EYS: variants seen among roughly 807,000 people sequenced by gnomAD.
The protein encoded by EYS is protein eyes shut homolog.
EYS carries 250 observed loss-of-function variants against 282.1 expected under a neutral mutation model. That is an observed-to-expected ratio of 0.89 (90% CI 0.80 to 0.98). The LOEUF (loss-of-function observed/expected upper bound fraction) is 0.98. EYS is among the 50% of genes least tolerant of loss of function. EYS has a pLI of 0.00. For missense variants in EYS, 4,016 were observed against 3,709.0 expected (o/e 1.08, Z -2.15); for synonymous variants, 1,355 against 1,282.9 (o/e 1.06, Z -1.20).
intron 13 of EYS, among the ~76,000 whole-genome samples, chr6:64,998,097 A>T (rs1049230212): frequency 1.3e-5 from 2 of 152,172 alleles, no homozygotes; most frequent in African/African-American, 4.8e-5. Flanking sequence ...CAAGACCTTA[A>T]CTGTTCAGTT....
At chr6:64,663,658 C>T (rs1383205287) in intron 22 of EYS, among the ~76,000 whole-genome samples, 5 of 152,120 alleles carry the variant, frequency 3.3e-5, no homozygotes, top group Non-Finnish European at 7.3e-5. Context: ...ACGTTACTTC[C>T]AGCCAACTTC....
intron 35 of EYS, among the ~76,000 whole-genome samples, chr6:63,975,895 G>T (rs1766812409): frequency 6.6e-6 from 1 of 151,938 alleles, no homozygotes; most frequent in Non-Finnish European, 1.5e-5. Flanking sequence ...CATTGTGCAA[G>T]CATCATAGAA....
intron 22 of EYS, among the ~76,000 whole-genome samples, chr6:64,658,441 T>C (rs1452357837): frequency 6.6e-6 from 1 of 152,148 alleles, no homozygotes; most frequent in Non-Finnish European, 1.5e-5. Context: ...ATTTTTAGAG[T>C]TTCCAGTTTT....
intron 8 of EYS, among the ~76,000 whole-genome samples, chr6:65,363,410 C>T (rs891625606): frequency 4.6e-5 from 7 of 151,662 alleles, no homozygotes; most frequent in Non-Finnish European, 1.0e-4. Flanking sequence ...TCAAGATAAC[C>T]AACATTGACT....
At chr6:65,116,519 C>G (rs1206965785) in intron 12 of EYS, among the ~76,000 whole-genome samples, 1 of 151,878 alleles carries the variant, frequency 6.6e-6, no homozygotes, top group Admixed American at 6.6e-5. Flanking sequence ...ACTCTCTAGC[C>G]CAAGGGCAAT....
chr6:64,353,016 G>A lies in EYS; in HGVS notation c.6078+35674C>T, dbSNP rs532487357. Among the ~76,000 whole-genome samples the A allele has an allele frequency of 5.3e-5, 8 of 151,526 alleles. No individual in the cohort carries two copies. In the East Asian group the frequency reaches 1.2e-3, roughly 22 times the overall value. On this transcript the variant is annotated intron_variant, in intron 29 of 42. Transcript: ENST00000503581. ...ATTGTGCTATGGACTATAGACAGAT[G>A]GCTGAAGAAGTCATATCCCTGCCCT...
chr6:65,533,265 C>T (rs1483886969), intron 2 of EYS, among the ~76,000 whole-genome samples: 1 of 152,052 alleles, frequency 6.6e-6, no homozygotes, highest in Non-Finnish European at 1.5e-5. Flanking sequence ...CACATACACC[C>T]TCCCAAGACT....
chr6:64,473,754 A>T (rs778007429), intron 26 of EYS, among the ~76,000 whole-genome samples: 1 of 152,058 alleles, frequency 6.6e-6, no homozygotes. Flanking sequence ...CCACTTTGGG[A>T]CTCACGGATC....
At chr6:64,463,921 C>G (rs1426045514) in intron 26 of EYS, among the ~76,000 whole-genome samples, 1 of 152,152 alleles carries the variant, frequency 6.6e-6, no homozygotes, top group Non-Finnish European at 1.5e-5. Flanking sequence ...GGGAATACTT[C>G]CAGATTCATT....
chr6:65,050,214 C>T (rs1773228561), intron 13 of EYS, among the ~76,000 whole-genome samples: 1 of 151,640 alleles, frequency 6.6e-6, no homozygotes, highest in East Asian at 1.9e-4. Flanking sequence ...CACTCAGGTT[C>T]CCTATATGCT....
At chr6:63,840,567 T>A (rs1394728429) in intron 36 of EYS, among the ~76,000 whole-genome samples, 1 of 152,172 alleles carries the variant, frequency 6.6e-6, no homozygotes, top group Non-Finnish European at 1.5e-5. Flanking sequence ...CTATTTTTGC[T>A]TTTGTTGTCT....
intron 15 of EYS, among the ~76,000 whole-genome samples, chr6:64,933,952 C>T (rs1288361113): frequency 2.6e-5 from 4 of 151,816 alleles, no homozygotes; most frequent in Non-Finnish European, 5.9e-5. Context: ...GGGAGGGGAA[C>T]ATCACACACC....
chr6:64,264,644 T>G (rs1767697613), intron 30 of EYS, among the ~76,000 whole-genome samples: 1 of 152,112 alleles, frequency 6.6e-6, no homozygotes, highest in African/African-American at 2.4e-5. Flanking sequence ...GCGTGGTGGC[T>G]CATGCCTGTA....
At chr6:63,892,474 T>C (rs1468065419) in intron 35 of EYS, among the ~76,000 whole-genome samples, 1 of 152,134 alleles carries the variant, frequency 6.6e-6, no homozygotes, top group Admixed American at 6.6e-5. Flanking sequence ...AAACAAGCAA[T>C]GGGGAAAGGA....
chr6:64,413,587 A>C (rs998757351), intron 28 of EYS, among the ~76,000 whole-genome samples: 7 of 149,886 alleles, frequency 4.7e-5, no homozygotes, highest in African/African-American at 7.3e-5. Flanking sequence ...CTCCCCTCCC[A>C]AAAAAAAACA....
intron 35 of EYS, among the ~76,000 whole-genome samples, chr6:63,883,319 C>T (rs930504420): frequency 3.9e-5 from 6 of 152,174 alleles, no homozygotes; most frequent in African/African-American, 1.4e-4. Context: ...ACGGCTCCAA[C>T]TGACTTTTAA....
At chr6:65,535,202 G>A (rs186316178) in intron 2 of EYS, among the ~76,000 whole-genome samples, 4 of 152,260 alleles carry the variant, frequency 2.6e-5, no homozygotes, top group Admixed American at 2.6e-4. Flanking sequence ...GAATGCCCAT[G>A]TAGTTCCAGT....
At chr6:65,006,761 A>T (rs1228382168) in intron 13 of EYS, among the ~76,000 whole-genome samples, 3 of 152,226 alleles carry the variant, frequency 2.0e-5, no homozygotes, top group Non-Finnish European at 4.4e-5. Flanking sequence ...GGTATTCAGT[A>T]ATTGATAAGG....
In EYS at chr6:65,459,268, A is replaced by T. The variant is rs537462970; in HGVS notation, c.862+31326T>A. Among the ~76,000 whole-genome samples the T allele has an allele frequency of 2.6e-5, 4 of 152,184 alleles. No individual in the cohort carries two copies. In the South Asian group the frequency reaches 8.3e-4, roughly 32 times the overall value. The stretch of plus-strand genomic sequence containing the variant: ...AGTGTATATGTCACAGAGACTGGGG[A>T]TATTCAATTAATATTTTCACTTATT... On this transcript the variant is annotated intron_variant, in intron 5 of 42. Transcript: ENST00000503581.
Sources: allele counts gnomAD v4.1 joint callset (sites outside exome capture counted in the v4.1 genomes callset), GRCh38; gene constraint gnomAD v4.1.1; transcripts MANE v1.5; gene names NCBI Gene and HGNC (gene_info 2026-07-23, HGNC 2026-07-21).